TACC2: variants seen among roughly 807,000 people sequenced by gnomAD.
TACC2 encodes the protein transforming acidic coiled-coil containing protein 2.
In TACC2, 137 loss-of-function variants were observed where a neutral mutation model predicts 227.3. The observed-to-expected ratio is 0.60, with a 90% CI of 0.52 to 0.69. TACC2 has a LOEUF of 0.69. TACC2 is among the 30% of genes least tolerant of loss of function. TACC2 has a pLI of 0.00. For synonymous variants in TACC2, 1,523 were observed against 1,487.5 expected (o/e 1.02, Z -0.55); for missense variants, 3,470 against 3,694.4 (o/e 0.94, Z 1.57).
In TACC2 at chr10:122,013,925, G is replaced by C. The variant is rs529122877; in HGVS notation, c.-45-8012G>C. Among the ~76,000 whole-genome samples the C allele has an allele frequency of 3.3e-5, 5 of 152,288 alleles. No individual in the cohort carries two copies. In the East Asian group the frequency reaches 9.6e-4, roughly 29 times the overall value. ...CATCTGTAAAAAGAGGCTTTGGAGA[G>C]GGTGGTCTTCAAGTTTCTTCCAGCA... is the stretch of plus-strand genomic sequence containing the variant. On this transcript the variant is annotated intron_variant, in intron 1 of 22. Transcript: ENST00000369005.
chr10:122,228,797 G>A (rs939176727), intron 14 of TACC2, among the ~76,000 whole-genome samples: 1 of 152,094 alleles, frequency 6.6e-6, no homozygotes, highest in Non-Finnish European at 1.5e-5. Context: ...AGCAAAAAGA[G>A]GGTCTAGATG....
At chr10:122,132,851 C>G (rs1310478890) in intron 6 of TACC2, 117 bp downstream of exon 6, 4 of 1,046,102 alleles carry the variant, frequency 3.8e-6, no homozygotes, top group Non-Finnish European at 5.7e-6. Flanking sequence ...AGTTTCACCC[C>G]CTCTGCACAC....
At chr10:121,998,543 C>T (rs933329240) in intron 1 of TACC2, among the ~76,000 whole-genome samples, 8 of 152,190 alleles carry the variant, frequency 5.3e-5, no homozygotes, top group Non-Finnish European at 7.4e-5. Context: ...AGATAGCCAC[C>T]ACCTTGCCAA....
intron 3 of TACC2, among the ~76,000 whole-genome samples, chr10:122,080,575 G>A (rs2079361387): frequency 6.6e-6 from 1 of 152,030 alleles, no homozygotes; most frequent in Non-Finnish European, 1.5e-5. Flanking sequence ...TCAGATTAGG[G>A]CCTCACTACT....
At chr10:122,049,274 C>T (rs1009259612) in intron 2 of TACC2, among the ~76,000 whole-genome samples, 2 of 152,164 alleles carry the variant, frequency 1.3e-5, no homozygotes, top group African/African-American at 4.8e-5. Context: ...CCTGGCATCT[C>T]GGCTTTTCTC....
chr10:122,036,591 C>T lies in TACC2; in HGVS notation c.34-13847C>T, dbSNP rs555808418. On this transcript the variant is annotated intron_variant, in intron 2 of 22. Coordinates refer to ENST00000369005, the MANE Select transcript of TACC2 (RefSeq NM_206862.4). ...TCTCGGCTCATTGCAACCTCCATCT[C>T]CCAAGTTCAAGTGATTCTCATGCCT... 4.0e-5 allele frequency among the ~76,000 whole-genome samples: 6 copies of T among 151,302 alleles called. No individual in the cohort carries two copies. In the South Asian group the frequency reaches 1.3e-3, roughly 32 times the overall value.
intron 7 of TACC2, among the ~76,000 whole-genome samples, chr10:122,174,597 TG>T (rs796905769): frequency 8.5e-5 from 13 of 152,328 alleles, no homozygotes; most frequent in African/African-American, 3.1e-4. Flanking sequence ...ACTATGCTCC[TG>T]TTTTTTTTTA....
intron 2 of TACC2, among the ~76,000 whole-genome samples, chr10:122,049,554 C>T (rs1346185121): frequency 6.6e-6 from 1 of 152,132 alleles, no homozygotes; most frequent in African/African-American, 2.4e-5. Flanking sequence ...AAGGCAGACC[C>T]CATCCCAGAA....
intron 1 of TACC2, among the ~76,000 whole-genome samples, chr10:122,003,001 G>T (rs963689806): frequency 9.9e-5 from 15 of 152,084 alleles, no homozygotes; most frequent in African/African-American, 3.6e-4. Flanking sequence ...TCGGGAGTTT[G>T]AAACCAGCCT....
At chr10:122,051,027 AG>A (rs1447689861) in intron 3 of TACC2, 1 of 162,212 alleles carries the variant, frequency 6.2e-6, no homozygotes, top group African/African-American at 2.4e-5. Flanking sequence ...CAACTGTGGC[AG>A]TGGGATGTGG....
intron 2 of TACC2, among the ~76,000 whole-genome samples, chr10:122,029,229 GT>G (rs1958625209): frequency 6.6e-6 from 1 of 151,756 alleles, no homozygotes; most frequent in African/African-American, 2.4e-5. Flanking sequence ...TTTGCTGTGG[GT>G]TTTTATCATG....
At chr10:122,149,880 C>T (rs759125319) in intron 7 of TACC2, among the ~76,000 whole-genome samples, 1 of 152,210 alleles carries the variant, frequency 6.6e-6, no homozygotes, top group Non-Finnish European at 1.5e-5. Context: ...CTCTGAGGCC[C>T]ACTGGGTCCG....
chr10:122,240,508 A>G (rs775787666), intron 18 of TACC2, among the ~76,000 whole-genome samples: 3 of 152,140 alleles, frequency 2.0e-5, no homozygotes, highest in Admixed American at 6.5e-5. Flanking sequence ...TTTTACCCTT[A>G]TTGAATTTCC....
In TACC2 at chr10:122,143,483, G is replaced by A. The variant is rs2090945066; in HGVS notation, c.5700-89G>A. 6 of 1,455,606 alleles carry A rather than the reference G, an allele frequency of 4.1e-6. No individual in the cohort carries two copies. In the East Asian group the frequency reaches 9.2e-5, roughly 22 times the overall value. The allele number at this position is 1,455,606 out of a possible 1,614,324, so 90.2% of individuals were successfully genotyped here. A position where few individuals can be genotyped will look rare whatever the true frequency, so the allele number is the denominator to read the frequency against. The stretch of plus-strand genomic sequence containing the variant: ...AAAGAGTCCATTCCATGTGTGGGCG[G>A]GTGGGTTGGGTGGGGTGAATGGGGC... On this transcript the variant is annotated intron_variant, in intron 6 of 22. Transcript: ENST00000369005.
intron 3 of TACC2, among the ~76,000 whole-genome samples, chr10:122,062,025 C>CTTTTT (rs140523380): frequency 3.8e-4 from 24 of 63,992 alleles, no homozygotes; most frequent in East Asian, 1.2e-3. Flanking sequence ...GTCAGAGCGG[C>CTTTTT]TTTTTTTTTT....
intron 7 of TACC2, chr10:122,163,278 G>A (rs2092931050): frequency 6.6e-6 from 1 of 152,288 alleles, no homozygotes; most frequent in African/African-American, 2.4e-5. Flanking sequence ...TGGGCCGGGA[G>A]AGACCATTTC....
At chr10:122,067,664 A>G (rs1181308839) in intron 3 of TACC2, among the ~76,000 whole-genome samples, 1 of 151,448 alleles carries the variant, frequency 6.6e-6, no homozygotes, top group Non-Finnish European at 1.5e-5. Flanking sequence ...ATGCCACCAC[A>G]CCTGGCTAAT....
intron 7 of TACC2, among the ~76,000 whole-genome samples, chr10:122,176,117 C>CTCTATA (rs1447382017): frequency 2.4e-3 from 130 of 54,620 alleles, no homozygotes; most frequent in South Asian, 3.4e-3. Flanking sequence ...CTCTCTCTCT[C>CTCTATA]TATATATATA....
intron 5 of TACC2, 38 bp downstream of exon 5, chr10:122,088,629 C>A: frequency 6.3e-7 from 1 of 1,596,678 alleles, no homozygotes; most frequent in Non-Finnish European, 8.5e-7. Context: ...GGCCATGATG[C>A]CTTCCTTAGA....
Sources: allele counts gnomAD v4.1 joint callset (sites outside exome capture counted in the v4.1 genomes callset), GRCh38; gene constraint gnomAD v4.1.1; transcripts MANE v1.5; gene names NCBI Gene and HGNC (gene_info 2026-07-23, HGNC 2026-07-21).